Variants in HFM1 observed in about 807,000 individuals in gnomAD.
HFM1 encodes helicase for meiosis 1, also known as probable ATP-dependent DNA helicase HFM1.
HFM1 carries 169 observed loss-of-function variants against 192.1 expected under a neutral mutation model. The ratio of observed to expected loss-of-function variants is 0.88; its 90% CI spans 0.78 to 1.00. HFM1 has a LOEUF of 1.00. Among genes scored for constraint, HFM1 ranks in the 50% least tolerant of loss-of-function variants. The probability of loss-of-function intolerance (pLI) is 0.00; values close to 1 mark genes in which losing one functional copy is unlikely to be tolerated. For synonymous variants in HFM1, 525 were observed against 537.8 expected, an observed-to-expected ratio of 0.98 and a Z score of 0.33; for missense variants, 1,661 against 1,668.0, an observed-to-expected ratio of 1.00 and a Z score of 0.07.
chr1:91,324,552 AG>A, intron 21 of HFM1, 122 bp downstream of exon 21: 1 of 610,026 alleles, frequency 1.6e-6, no homozygotes, highest in South Asian at 2.1e-5. Flanking sequence ...GATATATCTT[AG>A]AAATGCTTTC....
At chr1:91,280,474 T>C (rs1340487314) in intron 30 of HFM1, among the ~76,000 whole-genome samples, 1 of 152,226 alleles carries the variant, frequency 6.6e-6, no homozygotes, top group African/African-American at 2.4e-5. Flanking sequence ...ATAGGCCATG[T>C]AGGTAAGACT....
At chr1:91,298,811 C>G (rs1452025850) in intron 30 of HFM1, among the ~76,000 whole-genome samples, 2 of 152,216 alleles carry the variant, frequency 1.3e-5, no homozygotes, top group African/African-American at 2.4e-5. Flanking sequence ...AAAGGAACAA[C>G]TGGTACCAGC....
intron 30 of HFM1, among the ~76,000 whole-genome samples, chr1:91,299,051 G>A (rs1472461737): frequency 2.0e-5 from 3 of 152,216 alleles, no homozygotes; most frequent in Non-Finnish European, 4.4e-5. Context: ...CCCATCTCAC[G>A]TGCAGAGACA....
intron 30 of HFM1, among the ~76,000 whole-genome samples, chr1:91,284,969 T>G (rs149188904): frequency 6.6e-6 from 1 of 152,144 alleles, no homozygotes; most frequent in African/African-American, 2.4e-5. Context: ...GGGGAGATAA[T>G]TGAATCATGG....
At chr1:91,288,425 G>C (rs1039069756) in intron 30 of HFM1, among the ~76,000 whole-genome samples, 19 of 150,618 alleles carry the variant, frequency 1.3e-4, no homozygotes, top group Admixed American at 1.1e-3. Flanking sequence ...TGTTTCTCGG[G>C]GAGGGGGATT....
chr1:91,287,413 C>T (rs1176101056), intron 30 of HFM1, among the ~76,000 whole-genome samples: 1 of 152,034 alleles, frequency 6.6e-6, no homozygotes, highest in Non-Finnish European at 1.5e-5. Context: ...TGACACCTCA[C>T]ACGTCCGGGT....
chr1:91,329,170 CCAA>C (rs1234786139), intron 20 of HFM1: 3 of 1,609,938 alleles, frequency 1.9e-6, no homozygotes, highest in Non-Finnish European at 2.5e-6. Flanking sequence ...CGACTTGACC[CCAA>C]CAAGTACCCT....
Position 91,297,922 on chromosome 1 carries a change from C to T in HFM1, c.3391+15427G>A, listed in dbSNP as rs537632649. On this transcript the variant is annotated intron_variant, in intron 30 of 38. Transcript: ENST00000370425. ...AAGGAACGCAGCTCCTCACCAGCAA[C>T]GGAACAAAGCTGGACGGAGAATGAC... 5.7e-3 allele frequency among the ~76,000 whole-genome samples: 867 copies of T among 151,958 alleles called. 9 individuals are homozygous for T. The highest frequency in any genetic ancestry group is 6.4e-3 in the Non-Finnish European group (437 of 67,944).
chr1:91,315,818 A>C lies in HFM1; in HGVS notation c.3137T>G (p.Ile1046Ser). ...ACATCAGAAATTTCACACTTACGTA[A>C]TCTTGTGCAGATAAACTACTTGATT... is the stretch of plus-strand genomic sequence containing the variant. ...ADNQVVYLHK[I>S]TDSVLLKAGS... The change falls in exon 28 of 39, where the codon ATT (isoleucine) becomes AGT (serine). Residue 1046 changes from isoleucine (I) to serine (S), a missense_variant. By Grantham distance (142) the Ile-to-Ser change is moderately radical (BLOSUM62 -2). Coordinates refer to ENST00000370425, the MANE Select transcript of HFM1 (RefSeq NM_001017975.6). The C allele has an allele frequency of 1.2e-6, 2 of 1,605,078 alleles. No homozygotes were observed. Among genetic ancestry groups the C allele is most frequent in the Non-Finnish European group, 1.7e-6 (2 of 1,175,102 alleles).
At chr1:91,307,628 A>T (rs281981) in intron 30 of HFM1, among the ~76,000 whole-genome samples, 151,959 of 152,142 alleles carry the variant, frequency 1, 75,888 homozygotes, top group Non-Finnish European at 1. Flanking sequence ...ATTTTTTTTA[A>T]CTTTTTGTAG....
chr1:91,267,927 A>G, intron 34 of HFM1, 72 bp from the exon 35 acceptor site: 1 of 804,904 alleles, frequency 1.2e-6, no homozygotes, highest in Non-Finnish European at 2.0e-6. Flanking sequence ...ATTTCTGTTG[A>G]AGAACACTGT....
intron 20 of HFM1, among the ~76,000 whole-genome samples, chr1:91,328,025 G>A (rs969329633): frequency 2.6e-5 from 4 of 151,970 alleles, no homozygotes; most frequent in African/African-American, 9.7e-5. Flanking sequence ...GAAGAAAAAT[G>A]TCAAATAAAA....
intron 4 of HFM1, among the ~76,000 whole-genome samples, chr1:91,392,848 ATGTT>A (rs1440656768): frequency 6.6e-6 from 1 of 152,214 alleles, no homozygotes; most frequent in Non-Finnish European, 1.5e-5. Flanking sequence ...CTTATATGAA[ATGTT>A]TAGAATAGAT....
chr1:91,353,008 C>T, intron 15 of HFM1, 43 bp downstream of exon 15: 1 of 1,240,616 alleles, frequency 8.1e-7, no homozygotes, highest in Non-Finnish European at 1.2e-6. Context: ...AAATAATTTT[C>T]CAAAATATTT....
chr1:91,360,912 C>G (rs1658408251), intron 13 of HFM1, among the ~76,000 whole-genome samples: 2 of 152,150 alleles, frequency 1.3e-5, no homozygotes, highest in Non-Finnish European at 2.9e-5. Flanking sequence ...CACACAACTA[C>G]ATGAAAACTG....
chr1:91,342,063 A>T (rs543863713), intron 20 of HFM1, among the ~76,000 whole-genome samples: 1 of 148,370 alleles, frequency 6.7e-6, no homozygotes, highest in South Asian at 2.2e-4. Context: ...AAATTTGAGG[A>T]GGGACTCCTC....
rs967778921 is a variant in HFM1 at position 91,350,875 on chromosome 1, A to T, written c.2073-4T>A. The T allele has an allele frequency of 1.9e-6, 3 of 1,562,820 alleles. No homozygotes were observed. The highest frequency in any genetic ancestry group is 2.7e-5 in the African/African-American group (2 of 73,758). ...TTCAATAAGATGTCTGTGCAAACTA[A>T]TGAAAAAAAACTTTGCATTATGAAT... On this transcript the variant is annotated splice_region_variant and splice_polypyrimidine_tract_variant and intron_variant, in intron 17 of 38. Coordinates refer to ENST00000370425, the MANE Select transcript of HFM1 (RefSeq NM_001017975.6).
chr1:91,358,294 T>A (rs282054), intron 13 of HFM1, among the ~76,000 whole-genome samples: 134,070 of 149,520 alleles, frequency 0.9, 59,909 homozygotes, highest in Middle Eastern at 0.95. Flanking sequence ...AAAAAAAAAA[T>A]TTTTTTTCAT....
intron 13 of HFM1, among the ~76,000 whole-genome samples, chr1:91,370,260 T>C (rs1434055595): frequency 3.3e-5 from 5 of 152,240 alleles, no homozygotes; most frequent in Admixed American, 3.3e-4. Flanking sequence ...ATCATCCTGA[T>C]ACCAAAGCCT....
Sources: allele counts gnomAD v4.1 joint callset (sites outside exome capture counted in the v4.1 genomes callset), GRCh38; gene constraint gnomAD v4.1.1; transcripts MANE v1.5; gene names NCBI Gene and HGNC (gene_info 2026-07-23, HGNC 2026-07-21).